The following DCC variants were observed in gnomAD, a reference collection of about 807,000 sequenced individuals.
The protein encoded by DCC is netrin receptor DCC.
In DCC, 58 loss-of-function variants were observed where a neutral mutation model predicts 172.5. The ratio of observed to expected loss-of-function variants is 0.34; its 90% confidence interval spans 0.27 to 0.42. The LOEUF is 0.42. Ranked by LOEUF, DCC falls within the 10% of genes least tolerant of loss-of-function variation. The pLI is 1.00. For synonymous variants in DCC, 709 were observed against 644.5 expected (o/e 1.10, Z -1.52); for missense variants, 1,740 against 1,791.0 (o/e 0.97, Z 0.51).
intron 7 of DCC, among the ~76,000 whole-genome samples, chr18:53,118,076 A>C (rs1424306800): frequency 2.0e-5 from 3 of 151,786 alleles, no homozygotes; most frequent in African/African-American, 7.2e-5. Flanking sequence ...AGTTGATTAC[A>C]CACAAGTCAG....
At chr18:52,496,933 G>A (rs1056220917) in intron 1 of DCC, among the ~76,000 whole-genome samples, 1 of 151,742 alleles carries the variant, frequency 6.6e-6, no homozygotes, top group African/African-American at 2.4e-5. Flanking sequence ...TATAATCAAG[G>A]AGAAAAGAGC....
intron 5 of DCC, among the ~76,000 whole-genome samples, chr18:53,027,990 T>C (rs1269552303): frequency 6.6e-6 from 1 of 152,124 alleles, no homozygotes; most frequent in East Asian, 1.9e-4. Context: ...TGAACAGTGA[T>C]ATATTTAAGA....
In DCC at chr18:53,339,826, A is replaced by G. The variant is rs1192638922; in HGVS notation, c.2278A>G (p.Ile760Val). ...AAACATCGTGGTGCGAGGTTATATTATCGGTTATGGCGTTGGGAGCCCTTA... is the reference window on the plus strand; with the variant it reads ...AAACATCGTGGTGCGAGGTTATATTGTCGGTTATGGCGTTGGGAGCCCTTA... ...NPNIVVRGYI[I>V]GYGVGSPYAE... The change falls in exon 15 of 29, where the codon ATC (isoleucine) becomes GTC (valine). Residue 760 changes from isoleucine (I) to valine (V), a missense_variant. By Grantham distance (29) the Ile-to-Val change is conservative. This residue lies in a region of DCC where 1,732 missense variants were observed against 1,767.4 expected (regional missense o/e 0.98). Transcript: ENST00000442544. 1 of 1,613,820 alleles carries G rather than the reference A, an allele frequency of 6.2e-7. No individual in the cohort carries two copies. Among genetic ancestry groups the G allele is most frequent in the African/African-American group, 1.3e-5 (1 of 74,878 alleles).
At chr18:52,706,637 G>A (rs1212575579) in intron 1 of DCC, among the ~76,000 whole-genome samples, 1 of 152,050 alleles carries the variant, frequency 6.6e-6, no homozygotes, top group African/African-American at 2.4e-5. Context: ...AGCATTGCCC[G>A]AAAATGCTTT....
At chr18:52,473,721 C>A (rs1989011040) in intron 1 of DCC, among the ~76,000 whole-genome samples, 1 of 152,134 alleles carries the variant, frequency 6.6e-6, no homozygotes, top group Non-Finnish European at 1.5e-5. Flanking sequence ...TAGTCCCTCC[C>A]ATAAGACTTG....
chr18:52,631,096 A>G (rs1305302265), intron 1 of DCC, among the ~76,000 whole-genome samples: 3 of 152,152 alleles, frequency 2.0e-5, no homozygotes, highest in Non-Finnish European at 4.4e-5. Flanking sequence ...TTTCTACACA[A>G]GTTTTGGCCG....
chr18:52,587,788 T>C (rs1365126375), intron 1 of DCC, among the ~76,000 whole-genome samples: 2 of 152,168 alleles, frequency 1.3e-5, no homozygotes, highest in Non-Finnish European at 2.9e-5. Flanking sequence ...CAGAACCATC[T>C]GTGAACCAGG....
In DCC at chr18:52,696,245, T is replaced by C. The variant is rs369288661; in HGVS notation, c.92-55809T>C. On this transcript the variant is annotated intron_variant, in intron 1 of 28. Coordinates refer to ENST00000442544, the MANE Select transcript of DCC (RefSeq NM_005215.4). The stretch of plus-strand genomic sequence containing the variant: ...TGGAATCATATGTGACCTTGAAGCC[T>C]TTCTGTTCCCTGTTATCTGAACAAA... Among the ~76,000 whole-genome samples, 5 of 152,314 alleles carry C rather than the reference T, an allele frequency of 3.3e-5. No homozygotes were observed. The East Asian group carries it at 5.8e-4, about 18-fold the overall frequency.
intron 1 of DCC, among the ~76,000 whole-genome samples, chr18:52,750,582 T>C (rs13381740): frequency 0.099 from 15,109 of 152,220 alleles, 957 homozygotes; most frequent in Middle Eastern, 0.22. Context: ...CAAGACATCA[T>C]TGGGCAGAAT....
intron 2 of DCC, among the ~76,000 whole-genome samples, chr18:52,862,368 G>A (rs1273869702): frequency 1.3e-5 from 2 of 152,102 alleles, no homozygotes; most frequent in Non-Finnish European, 2.9e-5. Flanking sequence ...ACCGGTCACT[G>A]TAAAATAATA....
chr18:52,937,945 T>C (rs936155835), intron 5 of DCC, among the ~76,000 whole-genome samples: 1 of 152,158 alleles, frequency 6.6e-6, no homozygotes, highest in Non-Finnish European at 1.5e-5. Flanking sequence ...GAGTGACACC[T>C]AACCTGCAGA....
At chr18:52,859,442 G>C (rs992138445) in intron 2 of DCC, among the ~76,000 whole-genome samples, 1 of 152,204 alleles carries the variant, frequency 6.6e-6, no homozygotes, top group Admixed American at 6.5e-5. Context: ...GGATTCAGAA[G>C]CTCGTATACA....
At chr18:53,107,535 AGG>A (rs2043268018) in intron 7 of DCC, among the ~76,000 whole-genome samples, 1 of 95,560 alleles carries the variant, frequency 1.0e-5, no homozygotes, top group African/African-American at 6.1e-5. Flanking sequence ...AAAAAAAAAA[AGG>A]AAGGAAAAAA....
At chr18:53,499,787 C>T (rs1360719309) in intron 27 of DCC, among the ~76,000 whole-genome samples, 2 of 152,160 alleles carry the variant, frequency 1.3e-5, no homozygotes, top group Non-Finnish European at 2.9e-5. Flanking sequence ...TATAGGTGTG[C>T]TTGCTAGAGA....
intron 2 of DCC, among the ~76,000 whole-genome samples, chr18:52,861,365 A>G (rs766281716): frequency 6.6e-6 from 1 of 152,220 alleles, no homozygotes; most frequent in Non-Finnish European, 1.5e-5. Flanking sequence ...ATAAGCCATT[A>G]CAGTCAAAGC....
intron 12 of DCC, among the ~76,000 whole-genome samples, chr18:53,266,487 C>G (rs190254477): frequency 1.3e-5 from 2 of 152,258 alleles, no homozygotes; most frequent in African/African-American, 4.8e-5. Flanking sequence ...AAAGTTGAGA[C>G]TCAACCCAAT....
intron 15 of DCC, among the ~76,000 whole-genome samples, chr18:53,365,482 A>G (rs1025570938): frequency 4.6e-5 from 7 of 151,162 alleles, no homozygotes; most frequent in Admixed American, 2.6e-4. Flanking sequence ...CAAACTTTTT[A>G]TTTTCTGAGT....
At chr18:53,431,471 T>G (rs933998337) in intron 21 of DCC, among the ~76,000 whole-genome samples, 1 of 129,634 alleles carries the variant, frequency 7.7e-6, no homozygotes, top group Non-Finnish European at 1.9e-5. Flanking sequence ...CACTTTGTTT[T>G]TTGTTGTTGT....
intron 5 of DCC, among the ~76,000 whole-genome samples, chr18:52,945,717 G>C (rs975102112): frequency 6.6e-6 from 1 of 152,180 alleles, no homozygotes; most frequent in Non-Finnish European, 1.5e-5. Context: ...AGAGACCTCT[G>C]TGCAGTGCAC....
Sources: gnomAD v4.1 joint callset for allele counts (sites outside exome capture counted in the v4.1 genomes callset) on GRCh38, gnomAD v4.1.1 for gene constraint, gnomAD v4.1.1 regional missense constraint, MANE v1.5 for transcripts, NCBI Gene and HGNC (gene_info 2026-07-23, HGNC 2026-07-21) for gene names.